The following CPPED1 variants were observed in gnomAD, a reference collection of about 807,000 sequenced individuals.
CPPED1 encodes serine/threonine-protein phosphatase CPPED1.
A neutral mutation model predicts 28.0 loss-of-function variants in CPPED1; 28 were observed. The ratio of observed to expected loss-of-function variants is 1.00; its 90% CI spans 0.74 to 1.37. The LOEUF is 1.37. Among genes scored for constraint, CPPED1 ranks in the 40% most tolerant of loss-of-function variants. The pLI is 0.00. For missense variants in CPPED1, 504 were observed against 416.5 expected, an observed-to-expected ratio of 1.21 and a Z score of -1.83; for synonymous variants, 198 against 180.2, an observed-to-expected ratio of 1.10 and a Z score of -0.79.
intron 2 of CPPED1, among the ~76,000 whole-genome samples, chr16:12,715,906 T>A (rs1430442752): frequency 6.6e-6 from 1 of 152,158 alleles, no homozygotes; most frequent in African/African-American, 2.4e-5. Flanking sequence ...GTATTTTATG[T>A]GTGGCCCAAG....
intron 1 of CPPED1, among the ~76,000 whole-genome samples, chr16:12,789,828 G>C (rs893071186): frequency 6.6e-6 from 1 of 151,994 alleles, no homozygotes; most frequent in Non-Finnish European, 1.5e-5. Flanking sequence ...CATCCAGCCT[G>C]GTTGCCATAA....
intron 2 of CPPED1, among the ~76,000 whole-genome samples, chr16:12,774,100 A>G (rs895037543): frequency 2.0e-5 from 3 of 152,174 alleles, no homozygotes; most frequent in Non-Finnish European, 2.9e-5. Flanking sequence ...GTGAGAAGAA[A>G]CATCAGAAGC....
chr16:12,803,435 GCTTTGCTACCCTC>G (rs1353034504), intron 1 of CPPED1, among the ~76,000 whole-genome samples: 1 of 152,232 alleles, frequency 6.6e-6, no homozygotes, highest in African/African-American at 2.4e-5. Flanking sequence ...CATTAACTAT[GCTTTGCTACCCTC>G]CTCTTACTTC....
At chr16:12,795,085 T>C (rs892677677) in intron 1 of CPPED1, among the ~76,000 whole-genome samples, 2 of 152,250 alleles carry the variant, frequency 1.3e-5, no homozygotes, top group African/African-American at 4.8e-5. Flanking sequence ...TTATTTTTTT[T>C]CCCATTTCCC....
At chr16:12,730,872 T>G (rs914931322) in intron 2 of CPPED1, among the ~76,000 whole-genome samples, 1 of 152,204 alleles carries the variant, frequency 6.6e-6, no homozygotes, top group African/African-American at 2.4e-5. Context: ...GCTCCAGCTC[T>G]TTACTTCACA....
chr16:12,710,472 G>T (rs1322097575), intron 2 of CPPED1, among the ~76,000 whole-genome samples: 3 of 151,516 alleles, frequency 2.0e-5, no homozygotes, highest in Admixed American at 6.6e-5. Flanking sequence ...AAAAAAGGAG[G>T]GGGGGAACAG....
chr16:12,678,387 C>T (rs1170331693), intron 3 of CPPED1, among the ~76,000 whole-genome samples: 6 of 152,148 alleles, frequency 3.9e-5, no homozygotes, highest in African/African-American at 7.2e-5. Flanking sequence ...ATTATAGGTA[C>T]CTTGCATTTC....
intron 2 of CPPED1, among the ~76,000 whole-genome samples, chr16:12,750,118 C>T (rs960920554): frequency 1.3e-5 from 2 of 152,190 alleles, no homozygotes; most frequent in Non-Finnish European, 2.9e-5. Context: ...GTTTGATCTT[C>T]CATCCCGACC....
intron 2 of CPPED1, among the ~76,000 whole-genome samples, chr16:12,750,762 G>T (rs763231190): frequency 1.1e-4 from 17 of 152,176 alleles, no homozygotes; most frequent in Non-Finnish European, 2.2e-4. Context: ...CTTGCGGTCA[G>T]GAGTTTAAGA....
At chr16:12,718,948 G>A (rs1199830517) in intron 2 of CPPED1, among the ~76,000 whole-genome samples, 2 of 152,106 alleles carry the variant, frequency 1.3e-5, no homozygotes, top group Non-Finnish European at 1.5e-5. Context: ...GGGTGGCAGC[G>A]CAAGATTCTT....
chr16:12,723,704 C>T (rs775963324), intron 2 of CPPED1, among the ~76,000 whole-genome samples: 5 of 152,196 alleles, frequency 3.3e-5, no homozygotes, highest in Admixed American at 1.3e-4. Context: ...CAGGGAGGGA[C>T]GACAGTGAGG....
chr16:12,700,696 G>C (rs1301455674), intron 3 of CPPED1, among the ~76,000 whole-genome samples: 1 of 152,114 alleles, frequency 6.6e-6, no homozygotes, highest in African/African-American at 2.4e-5. Context: ...CTGGCCCAAA[G>C]ACTTTCATTC....
chr16:12,689,712 C>T (rs1482962210), intron 3 of CPPED1, among the ~76,000 whole-genome samples: 3 of 152,126 alleles, frequency 2.0e-5, no homozygotes. Context: ...GCAAATAAGG[C>T]TCTCACAGAG....
intron 3 of CPPED1, among the ~76,000 whole-genome samples, chr16:12,685,464 T>C (rs2079927898): frequency 6.6e-6 from 1 of 152,012 alleles, no homozygotes; most frequent in East Asian, 1.9e-4. Flanking sequence ...AATAAATAAA[T>C]GAATAAAATG....
chr16:12,735,965 T>A (rs548086579), intron 2 of CPPED1, among the ~76,000 whole-genome samples: 1 of 152,270 alleles, frequency 6.6e-6, no homozygotes, highest in African/African-American at 2.4e-5. Context: ...GAGACCATTA[T>A]GGGCCGTCAC....
chr16:12,691,856 T>C (rs910202553), intron 3 of CPPED1, among the ~76,000 whole-genome samples: 2 of 148,000 alleles, frequency 1.4e-5, no homozygotes, highest in Non-Finnish European at 3.0e-5. Flanking sequence ...GAGACATGCC[T>C]AATGTTAAAT....
intron 1 of CPPED1, among the ~76,000 whole-genome samples, chr16:12,787,684 C>T (rs2141242747): frequency 6.6e-6 from 1 of 152,256 alleles, no homozygotes; most frequent in African/African-American, 2.4e-5. Flanking sequence ...AGATTACAGG[C>T]ATGAGCCACC....
At chr16:12,698,193 C>A (rs1200899178) in intron 3 of CPPED1, among the ~76,000 whole-genome samples, 7 of 152,138 alleles carry the variant, frequency 4.6e-5, no homozygotes, top group Admixed American at 2.0e-4. Flanking sequence ...AGACTTGAAT[C>A]ACGCTTAATT....
chr16:12,722,656 G>C (rs370127131), intron 2 of CPPED1, among the ~76,000 whole-genome samples: 28 of 152,226 alleles, frequency 1.8e-4, no homozygotes, highest in African/African-American at 6.7e-4. Context: ...GCCTGGGGAG[G>C]TCAAGTCTGC....
Sources: allele counts gnomAD v4.1 joint callset (sites outside exome capture counted in the v4.1 genomes callset), GRCh38; gene constraint gnomAD v4.1.1; transcripts MANE v1.5; gene names NCBI Gene and HGNC (gene_info 2026-07-23, HGNC 2026-07-21).